The following ZNF568 variants were observed in gnomAD, a reference collection of about 807,000 sequenced individuals.
ZNF568 encodes the protein p53 inhibitor of SCO2 activation.
In ZNF568, 11 loss-of-function variants were observed where a neutral mutation model predicts 18.1. That is an observed-to-expected ratio of 0.61 (90% CI 0.38 to 1.00). The LOEUF (loss-of-function observed/expected upper bound fraction) is 1.00. Among genes scored for constraint, ZNF568 ranks in the 50% least tolerant of loss-of-function variants. The probability of loss-of-function intolerance (pLI) is 0.01; values close to 1 mark genes in which losing one functional copy is unlikely to be tolerated. For missense variants in ZNF568, 639 were observed against 768.2 expected, an observed-to-expected ratio of 0.83 and a Z score of 1.99; for synonymous variants, 213 against 246.6, an observed-to-expected ratio of 0.86 and a Z score of 1.28.
At chr19:36,987,677 A>G (rs766262475) in intron 2 of ZNF568, among the ~76,000 whole-genome samples, 1 of 152,076 alleles carries the variant, frequency 6.6e-6, no homozygotes, top group Non-Finnish European at 1.5e-5. Context: ...AAGGGAGCCC[A>G]GGCCCTGGGC....
chr19:36,974,405 A>C, intron 6 of ZNF568: 1 of 1,535,808 alleles, frequency 6.5e-7, no homozygotes. Context: ...ACGTTTTTCC[A>C]CATCTTTCTT....
At chr19:36,962,883 C>CT (rs532743949) in intron 6 of ZNF568, among the ~76,000 whole-genome samples, 1 of 151,130 alleles carries the variant, frequency 6.6e-6, no homozygotes. Context: ...TGACTAGATG[C>CT]TTTTTTTTTC....
chr19:36,984,592 G>C (rs1350002410), downstream of ZNF568, among the ~76,000 whole-genome samples: 1 of 151,496 alleles, frequency 6.6e-6, no homozygotes, highest in East Asian at 1.9e-4. Flanking sequence ...CGACTTTCTT[G>C]GTTCACCATT....
At chr19:36,975,001 A>G (rs895602020) in intron 7 of ZNF568, among the ~76,000 whole-genome samples, 2 of 145,470 alleles carry the variant, frequency 1.4e-5, no homozygotes, top group East Asian at 4.1e-4. Flanking sequence ...TAATTTTTGT[A>G]TTTTTAGTAG....
intron 4 of ZNF568, among the ~76,000 whole-genome samples, chr19:36,927,903 ATTTTTT>A (rs71177414): frequency 9.4e-4 from 25 of 26,602 alleles, no homozygotes; most frequent in Non-Finnish European, 1.2e-3. Context: ...ATATATATAT[ATTTTTT>A]TTTTTTTTTT....
chr19:36,989,693 T>C (rs574716942), intron 2 of ZNF568, among the ~76,000 whole-genome samples: 1 of 152,322 alleles, frequency 6.6e-6, no homozygotes, highest in South Asian at 2.1e-4. Flanking sequence ...TAGCTGGGAC[T>C]GCAGGTACAT....
In ZNF568 at chr19:36,950,658, A is replaced by G. The variant is rs2146312628; in HGVS notation, c.1505A>G (p.Tyr502Cys). The change falls in exon 7 of 7, where the codon TAT (tyrosine) becomes TGT (cysteine). Residue 502 changes from tyrosine to cysteine, a missense_variant. Tyr to Cys is a radical substitution (Grantham distance 194, BLOSUM62 -2). Transcript: ENST00000333987. ...AGAATTCATACGGGTGAGAAACCCT[A>G]TGCATGTACAGTATGTGGAAAAGCC... ...HQRIHTGEKP[Y>C]ACTVCGKAFS... 4 of 1,613,984 alleles carry G rather than the reference A, an allele frequency of 2.5e-6. No individual in the cohort carries two copies. Among genetic ancestry groups the G allele is most frequent in the East Asian group, 2.2e-5 (1 of 44,852 alleles).
intron 3 of ZNF568, among the ~76,000 whole-genome samples, chr19:36,924,438 C>T (rs1332080952): frequency 1.3e-5 from 2 of 151,420 alleles, no homozygotes; most frequent in Admixed American, 6.6e-5. Context: ...AAGCTGGTCT[C>T]GAACTCCTGA....
chr19:36,969,934 T>C (rs2074224842), intron 6 of ZNF568, among the ~76,000 whole-genome samples: 1 of 120,680 alleles, frequency 8.3e-6, no homozygotes, highest in South Asian at 2.6e-4. Flanking sequence ...GGCTAATTTT[T>C]GTATTTTTAG....
At chr19:36,942,453 G>T (rs559920223) in intron 6 of ZNF568, among the ~76,000 whole-genome samples, 15 of 151,662 alleles carry the variant, frequency 9.9e-5, no homozygotes, top group Admixed American at 9.2e-4. Context: ...CAAAAAACTA[G>T]CCAGGCGTGG....
Position 36,950,023 on chromosome 19 carries a change from G to T in ZNF568, c.870G>T (p.Met290Ile). 6.2e-7 allele frequency: 1 copy of T among 1,613,814 alleles called. No individual in the cohort carries two copies. The highest frequency in any genetic ancestry group is 1.1e-5 in the South Asian group (1 of 91,048). The part of the protein sequence containing the change: ...CNECGKAFIQ[M>I]SNLIRHHRIH... ...AATGTGGAAAAGCTTTCATTCAGAT[G>T]TCAAACCTTATTAGACACCACAGAA... Residue 290 changes from methionine to isoleucine, a missense_variant, in exon 7 of 7, where the codon ATG becomes ATT. Physicochemically the swap from Met to Ile is conservative, Grantham distance 10. Coordinates refer to ENST00000333987, the MANE Select transcript of ZNF568 (RefSeq NM_198539.4).
At chr19:36,990,239 A>G (rs2074412031) in intron 2 of ZNF568, among the ~76,000 whole-genome samples, 2 of 152,158 alleles carry the variant, frequency 1.3e-5, no homozygotes, top group Admixed American at 1.3e-4. Flanking sequence ...ATCTTTCTCC[A>G]TCAGTTCTGG....
chr19:36,967,517 A>T (rs1319962262), intron 6 of ZNF568, among the ~76,000 whole-genome samples: 2 of 152,168 alleles, frequency 1.3e-5, no homozygotes, highest in Non-Finnish European at 2.9e-5. Flanking sequence ...GAGCTGAGAT[A>T]GCACCCCTGT....
intron 6 of ZNF568, among the ~76,000 whole-genome samples, chr19:36,972,419 C>T (rs1212717131): frequency 6.6e-6 from 1 of 152,164 alleles, no homozygotes; most frequent in Non-Finnish European, 1.5e-5. Flanking sequence ...CATCCTTCTC[C>T]AGTCCCTTCG....
chr19:36,938,920 G>T (rs1229578794), intron 6 of ZNF568, among the ~76,000 whole-genome samples: 1 of 152,140 alleles, frequency 6.6e-6, no homozygotes, highest in Non-Finnish European at 1.5e-5. Context: ...TCCTTGAAAT[G>T]TCGTCATATA....
chr19:36,995,112 C>T (rs1477751849), intron 4 of ZNF568, among the ~76,000 whole-genome samples: 6 of 151,856 alleles, frequency 4.0e-5, no homozygotes, highest in African/African-American at 1.4e-4. Flanking sequence ...AAGTTTGTCT[C>T]GGGGGCTGGG....
chr19:36,929,945 GTT>G (rs60600732), intron 4 of ZNF568, among the ~76,000 whole-genome samples: 30,334 of 143,066 alleles, frequency 0.21, 3,349 homozygotes, highest in African/African-American at 0.3. Context: ...GCGTGTTCAT[GTT>G]TTTTTTTTTT....
chr19:36,933,902 TTTTTTTTTGTTTTGTTTTTTTG>T (rs1376067371), intron 4 of ZNF568, among the ~76,000 whole-genome samples: 46 of 37,694 alleles, frequency 1.2e-3, no homozygotes, highest in African/African-American at 4.7e-3. Flanking sequence ...TGGGTAGGTT[TTTTTTTTTGTTTTGTTTTTTTG>T]TTTTTTTTTT....
At chr19:36,997,370 A>G (rs751406260), downstream of ZNF568, 1 of 1,593,372 alleles carries the variant, frequency 6.3e-7, no homozygotes, top group Non-Finnish European at 8.5e-7. Flanking sequence ...CATACTGGTG[A>G]AAAACCCTAT....
Sources: gnomAD v4.1 joint callset for allele counts (sites outside exome capture counted in the v4.1 genomes callset) on GRCh38, gnomAD v4.1.1 for gene constraint, MANE v1.5 for transcripts, NCBI Gene and HGNC (gene_info 2026-07-23, HGNC 2026-07-21) for gene names.